The following PHTF2 variants were observed in gnomAD, a reference collection of about 807,000 sequenced individuals.
The protein encoded by PHTF2 is protein PHTF2.
In PHTF2, 60 loss-of-function variants were observed where a neutral mutation model predicts 101.2. The observed-to-expected ratio is 0.59, with a 90% CI of 0.48 to 0.73. The LOEUF is 0.73. PHTF2 is among the 30% of genes least tolerant of loss of function. PHTF2 has a pLI of 0.00. For missense variants in PHTF2, 747 were observed against 908.7 expected, an observed-to-expected ratio of 0.82 and a Z score of 2.29; for synonymous variants, 311 against 307.3, an observed-to-expected ratio of 1.01 and a Z score of -0.13.
At chr7:77,937,741 C>A in exon 13 of PHTF2, 1 of 1,470,126 alleles carries the variant, frequency 6.8e-7, no homozygotes, top group Non-Finnish European at 9.2e-7. Flanking sequence ...AGTTCCCACC[C>A]AGGATTAGAA....
At chr7:77,840,411 T>G in intron 2 of PHTF2, 111 bp downstream of exon 2, 1 of 665,248 alleles carries the variant, frequency 1.5e-6, no homozygotes, top group Non-Finnish European at 2.6e-6. Flanking sequence ...AGATTATTTT[T>G]ATTTTTCTTG....
intron 3 of PHTF2, among the ~76,000 whole-genome samples, chr7:77,872,781 A>G (rs1798624215): frequency 6.6e-6 from 1 of 152,146 alleles, no homozygotes; most frequent in Non-Finnish European, 1.5e-5. Context: ...CAGTAGGTCT[A>G]AAGTGACTAA....
At position 77,896,388 on chromosome 7, in the gene PHTF2, T is replaced by TC. The variant is rs1371284460; in HGVS notation, c.216+2396dup. On this transcript the variant is annotated intron_variant, in intron 5 of 19. Transcript: ENST00000416283. Reference sequence around the variant, plus strand: ...TTGGGCAACAAAGTGAGACACTATCTCTAAAAAAAAAATTATTTTTCTTAA... The same window carrying TC: ...TTGGGCAACAAAGTGAGACACTATCTCCTAAAAAAAAAATTATTTTTCTTAA... 5.9e-5 allele frequency among the ~76,000 whole-genome samples: 9 copies of TC among 151,374 alleles called. No homozygotes were observed. The East Asian group carries it at 1.7e-3, about 29-fold the overall frequency.
At chr7:77,883,813 C>T (rs1799599686) in intron 3 of PHTF2, among the ~76,000 whole-genome samples, 1 of 152,162 alleles carries the variant, frequency 6.6e-6, no homozygotes, top group Non-Finnish European at 1.5e-5. Context: ...CCATCCAAAT[C>T]ATTAGTGAGC....
chr7:77,801,063 G>A (rs984615692), intron 1 of PHTF2, among the ~76,000 whole-genome samples: 1 of 152,194 alleles, frequency 6.6e-6, no homozygotes, highest in African/African-American at 2.4e-5. Context: ...AACACTTTGA[G>A]ATCATTGTAT....
chr7:77,922,017 CTTT>C (rs35763664), intron 10 of PHTF2, among the ~76,000 whole-genome samples: 153 of 95,284 alleles, frequency 1.6e-3, no homozygotes, highest in Middle Eastern at 8.3e-3. Context: ...GTTTATATTC[CTTT>C]TTTTTTTTTT....
At chr7:77,835,842 G>A (rs994607347) in intron 1 of PHTF2, among the ~76,000 whole-genome samples, 3 of 152,014 alleles carry the variant, frequency 2.0e-5, no homozygotes, top group African/African-American at 7.2e-5. Context: ...AAAATAGGCC[G>A]GGCACAGTGG....
intron 16 of PHTF2, among the ~76,000 whole-genome samples, chr7:77,948,101 AAT>A (rs1477238591): frequency 1.3e-5 from 2 of 151,702 alleles, no homozygotes; most frequent in African/African-American, 2.4e-5. Context: ...TGGCCTCCCA[AAT>A]TGCTGGGATT....
chr7:77,949,891 T>C, intron 17 of PHTF2, 58 bp downstream of exon 16: 1 of 928,324 alleles, frequency 1.1e-6, no homozygotes, highest in Non-Finnish European at 1.6e-6. Context: ...AATGTTTTCA[T>C]TTCCTTTATG....
chr7:77,955,573 CTG>C (rs1031127870), exon 20 of PHTF2: 3 of 152,594 alleles, frequency 2.0e-5, no homozygotes, highest in African/African-American at 4.8e-5. Context: ...ACAGCTCCAA[CTG>C]TGCATGCTCA....
intron 5 of PHTF2, among the ~76,000 whole-genome samples, chr7:77,896,820 T>A (rs994179015): frequency 6.6e-6 from 1 of 152,214 alleles, no homozygotes; most frequent in Non-Finnish European, 1.5e-5. Context: ...CCAAATGTAT[T>A]GAGTTTGTCC....
intron 11 of PHTF2, among the ~76,000 whole-genome samples, chr7:77,927,868 G>A (rs770638170): frequency 1.5e-4 from 23 of 152,206 alleles, no homozygotes; most frequent in Non-Finnish European, 2.8e-4. Context: ...AAAGGTTACG[G>A]TATGTAGTGG....
At chr7:77,898,890 C>G (rs1017691367) in intron 5 of PHTF2, among the ~76,000 whole-genome samples, 1 of 152,130 alleles carries the variant, frequency 6.6e-6, no homozygotes, top group Non-Finnish European at 1.5e-5. Flanking sequence ...CCTCCAACCC[C>G]TGGGTTCAAA....
intron 3 of PHTF2, among the ~76,000 whole-genome samples, chr7:77,869,445 A>G (rs770912183): frequency 4.6e-5 from 7 of 151,942 alleles, no homozygotes; most frequent in East Asian, 1.9e-4. Context: ...ATTACTCTCT[A>G]CCTCCATGAG....
intron 1 of PHTF2, among the ~76,000 whole-genome samples, chr7:77,834,775 C>T (rs1795324782): frequency 6.6e-6 from 1 of 152,142 alleles, no homozygotes; most frequent in Non-Finnish European, 1.5e-5. Flanking sequence ...TGCTTTTTAT[C>T]TGCTGTACTT....
chr7:77,864,912 T>G (rs186795930), intron 3 of PHTF2, among the ~76,000 whole-genome samples: 10 of 152,318 alleles, frequency 6.6e-5, no homozygotes, highest in Admixed American at 2.6e-4. Flanking sequence ...TTTAAAGATA[T>G]TTCATATGTT....
intron 1 of PHTF2, among the ~76,000 whole-genome samples, chr7:77,802,217 C>A (rs1265739211): frequency 6.6e-6 from 1 of 152,016 alleles, no homozygotes; most frequent in African/African-American, 2.4e-5. Context: ...GTGTGAAGGC[C>A]AGCTTTAAAT....
At chr7:77,937,025 G>A (rs987743685) in intron 12 of PHTF2, among the ~76,000 whole-genome samples, 2 of 151,712 alleles carry the variant, frequency 1.3e-5, no homozygotes, top group Admixed American at 1.3e-4. Flanking sequence ...GGTGCCTGTA[G>A]TCCGAGCTAC....
intron 1 of PHTF2, among the ~76,000 whole-genome samples, chr7:77,807,782 T>A (rs1488480235): frequency 2.0e-5 from 3 of 152,238 alleles, no homozygotes. Flanking sequence ...CCAAGTCAGA[T>A]GTTATGAAGC....
Sources: gnomAD v4.1 joint callset for allele counts (sites outside exome capture counted in the v4.1 genomes callset) on GRCh38, gnomAD v4.1.1 for gene constraint, MANE v1.5 for transcripts, NCBI Gene and HGNC (gene_info 2026-07-23, HGNC 2026-07-21) for gene names.